The following EXOC6B variants were observed in gnomAD, a reference collection of about 807,000 sequenced individuals.
The protein encoded by EXOC6B is exocyst complex component 6B, also known as SEC15 homolog B.
Under a neutral mutation model 113.5 loss-of-function variants are expected in EXOC6B, and 54 were observed. The observed-to-expected ratio is 0.48, with a 90% CI of 0.38 to 0.60. The LOEUF (loss-of-function observed/expected upper bound fraction) is 0.60. EXOC6B is among the 20% of genes least tolerant of loss of function. The probability of loss-of-function intolerance (pLI) is 0.00; values close to 1 mark genes in which losing one functional copy is unlikely to be tolerated. For missense variants in EXOC6B, 797 were observed against 977.5 expected, an observed-to-expected ratio of 0.82 and a Z score of 2.46; for synonymous variants, 357 against 339.0, an observed-to-expected ratio of 1.05 and a Z score of -0.58.
At chr2:72,512,655 A>G (rs984898197) in intron 11 of EXOC6B, among the ~76,000 whole-genome samples, 6 of 152,150 alleles carry the variant, frequency 3.9e-5, no homozygotes, top group Middle Eastern at 3.4e-3. Context: ...GGCACTATAG[A>G]AGGCAAAATG....
chr2:72,283,385 C>T (rs1685244967), intron 20 of EXOC6B, among the ~76,000 whole-genome samples: 1 of 152,136 alleles, frequency 6.6e-6, no homozygotes, highest in Non-Finnish European at 1.5e-5. Flanking sequence ...ACAGGGTAAA[C>T]TGCTGCCTCT....
intron 18 of EXOC6B, among the ~76,000 whole-genome samples, chr2:72,425,850 A>C (rs1695170534): frequency 6.6e-6 from 1 of 152,130 alleles, no homozygotes; most frequent in African/African-American, 2.4e-5. Context: ...TTTCTTCAAT[A>C]CTCTACAGAT....
At chr2:72,393,652 A>G (rs1692534871) in intron 18 of EXOC6B, among the ~76,000 whole-genome samples, 1 of 152,218 alleles carries the variant, frequency 6.6e-6, no homozygotes, top group Non-Finnish European at 1.5e-5. Context: ...AAACTATAAT[A>G]GATATTTAAA....
chr2:72,822,347 C>T (rs1379500400), intron 1 of EXOC6B, among the ~76,000 whole-genome samples: 3 of 152,108 alleles, frequency 2.0e-5, no homozygotes, highest in Non-Finnish European at 4.4e-5. Flanking sequence ...GCTACTTTCC[C>T]AAAAGAGTTT....
At chr2:72,697,837 T>C (rs1012998366) in intron 6 of EXOC6B, among the ~76,000 whole-genome samples, 4 of 152,334 alleles carry the variant, frequency 2.6e-5, no homozygotes, top group African/African-American at 9.6e-5. Context: ...ACTACACTAA[T>C]ATCACTACAA....
intron 20 of EXOC6B, among the ~76,000 whole-genome samples, chr2:72,328,687 C>T (rs376431959): frequency 6.6e-6 from 1 of 152,122 alleles, no homozygotes; most frequent in South Asian, 2.1e-4. Flanking sequence ...AGTGGCTCTG[C>T]ATCTGCAAAG....
chr2:72,711,417 G>C (rs1226898491), intron 6 of EXOC6B, among the ~76,000 whole-genome samples: 1 of 152,072 alleles, frequency 6.6e-6, no homozygotes, highest in Non-Finnish European at 1.5e-5. Flanking sequence ...CAAACGCAAT[G>C]TAAGAACCTA....
At chr2:72,447,373 A>C (rs1696650443) in intron 18 of EXOC6B, among the ~76,000 whole-genome samples, 1 of 152,214 alleles carries the variant, frequency 6.6e-6, no homozygotes, top group South Asian at 2.1e-4. Flanking sequence ...TCTCTCTGGA[A>C]GTACCTAGCA....
chr2:72,729,006 A>G (rs1045657700), intron 5 of EXOC6B, among the ~76,000 whole-genome samples: 2 of 152,202 alleles, frequency 1.3e-5, no homozygotes, highest in Non-Finnish European at 2.9e-5. Flanking sequence ...TATTTTATTC[A>G]CAGCTGTATC....
intron 8 of EXOC6B, chr2:72,515,706 G>C: frequency 1.0e-6 from 1 of 988,108 alleles, no homozygotes; most frequent in Non-Finnish European, 1.2e-6. Flanking sequence ...AAAATGAGAA[G>C]TGCTCTACAT....
chr2:72,798,842 G>A (rs1451630250), intron 1 of EXOC6B, among the ~76,000 whole-genome samples: 1 of 151,880 alleles, frequency 6.6e-6, no homozygotes, highest in African/African-American at 2.4e-5. Flanking sequence ...GTGCAACTGG[G>A]TAACAACAAC....
chr2:72,514,050 T>C (rs1488775528), intron 10 of EXOC6B, among the ~76,000 whole-genome samples: 1 of 152,106 alleles, frequency 6.6e-6, no homozygotes. Context: ...ATTTGGGAAA[T>C]GTAATTCCGT....
chr2:72,301,577 G>C (rs757601342), intron 20 of EXOC6B, among the ~76,000 whole-genome samples: 6 of 152,152 alleles, frequency 3.9e-5, no homozygotes, highest in Admixed American at 1.3e-4. Flanking sequence ...AGGTTTGGGA[G>C]GGTGTATGTG....
chr2:72,249,791 C>T (rs1446849332), intron 20 of EXOC6B, among the ~76,000 whole-genome samples: 2 of 152,138 alleles, frequency 1.3e-5, no homozygotes, highest in African/African-American at 4.8e-5. Flanking sequence ...AAATTATCTT[C>T]TTCTTTGGAA....
At chr2:72,494,073 T>C (rs1699905300) in intron 15 of EXOC6B, among the ~76,000 whole-genome samples, 1 of 152,122 alleles carries the variant, frequency 6.6e-6, no homozygotes, top group African/African-American at 2.4e-5. Context: ...AATCCCCAAG[T>C]TAAATATTTT....
chr2:72,515,685 T>C, intron 8 of EXOC6B: 1 of 988,436 alleles, frequency 1.0e-6, no homozygotes, highest in Non-Finnish European at 1.2e-6. Context: ...TCGTTTAGGG[T>C]TTCTGGGCTT....
chr2:72,766,956 G>GAAA (rs971595036), intron 1 of EXOC6B, among the ~76,000 whole-genome samples: 5 of 56,880 alleles, frequency 8.8e-5, no homozygotes, highest in Non-Finnish European at 1.5e-4. Context: ...TGTCTCAAAA[G>GAAA]AAAAAAAAAA....
intron 6 of EXOC6B, among the ~76,000 whole-genome samples, chr2:72,651,253 A>C (rs1400463999): frequency 6.6e-6 from 1 of 152,200 alleles, no homozygotes; most frequent in Non-Finnish European, 1.5e-5. Context: ...TAGAGCCAGG[A>C]CTCAAAATTC....
At chr2:72,512,079 A>G (rs937420617) in intron 11 of EXOC6B, among the ~76,000 whole-genome samples, 1 of 152,106 alleles carries the variant, frequency 6.6e-6, no homozygotes, top group African/African-American at 2.4e-5. Context: ...CTTTGCATAA[A>G]TGGTGACTCA....
Sources: gnomAD v4.1 joint callset for allele counts (sites outside exome capture counted in the v4.1 genomes callset) on GRCh38, gnomAD v4.1.1 for gene constraint, MANE v1.5 for transcripts, NCBI Gene and HGNC (gene_info 2026-07-23, HGNC 2026-07-21) for gene names.